The following SUPT6H variants were observed in gnomAD, a reference collection of about 807,000 sequenced individuals.
SUPT6H encodes the protein SPT6 homolog, histone chaperone and transcription elongation factor, also known as transcription elongation factor SPT6.
In SUPT6H, 11 loss-of-function variants were observed where a neutral mutation model predicts 222.3. The ratio of observed to expected loss-of-function variants is 0.05; its 90% CI spans 0.03 to 0.08. The LOEUF (loss-of-function observed/expected upper bound fraction) is 0.08, where lower values mean the gene tolerates loss of function less well. SUPT6H is among the 10% of genes least tolerant of loss of function. SUPT6H has a pLI of 1.00. For missense variants in SUPT6H, 1,422 were observed against 2,216.0 expected (o/e 0.64, Z 7.19); for synonymous variants, 762 against 801.2 (o/e 0.95, Z 0.83).
At chr17:28,685,595 T>C (rs1352030275) in intron 19 of SUPT6H, among the ~76,000 whole-genome samples, 1 of 151,952 alleles carries the variant, frequency 6.6e-6, no homozygotes, top group Non-Finnish European at 1.5e-5. Flanking sequence ...GCTCAAGTGA[T>C]CCTCCTGCCT....
intron 19 of SUPT6H, 122 bp downstream of exon 19, chr17:28,685,083 C>A: frequency 1.1e-6 from 1 of 937,322 alleles, no homozygotes; most frequent in Non-Finnish European, 1.6e-6. Flanking sequence ...GATCTGGTCA[C>A]TGACTTGTCC....
In SUPT6H at chr17:28,678,206, C is replaced by G; in HGVS notation, c.1116+14C>G. ...CAGCATTTTGAGGTAACACCTCAAG[C>G]TCTGGTGGCCCATTGGTGAGAAATT... On this transcript the variant is annotated intron_variant, in intron 9 of 36. Coordinates refer to ENST00000314616, the MANE Select transcript of SUPT6H (RefSeq NM_003170.5). The G allele has an allele frequency of 6.3e-7, 1 of 1,588,856 alleles. No homozygotes were observed. Among genetic ancestry groups the G allele is most frequent in the Non-Finnish European group, 8.6e-7 (1 of 1,161,386 alleles).
At chr17:28,674,799 G>C in intron 4 of SUPT6H, 171 bp from the exon 5 acceptor site, 3 of 982,682 alleles carry the variant, frequency 3.1e-6, no homozygotes, top group Non-Finnish European at 4.5e-6. Flanking sequence ...AGAAAGTCTT[G>C]TCCAAGTTTC....
chr17:28,667,497 A>G (rs1261622646), intron 1 of SUPT6H, among the ~76,000 whole-genome samples: 4 of 136,118 alleles, frequency 2.9e-5, no homozygotes, highest in South Asian at 2.4e-4. Context: ...ATATATGTAT[A>G]TGTGTATATA....
At chr17:28,700,145 G>C (rs1203567334) in intron 33 of SUPT6H, 28 bp from the exon 34 acceptor site, 2 of 1,613,946 alleles carry the variant, frequency 1.2e-6, no homozygotes, top group East Asian at 2.2e-5. Context: ...TTTCTGGAGG[G>C]ATGTAACTAA....
chr17:28,700,772 G>C (rs2032098590), intron 35 of SUPT6H, 169 bp from the exon 36 acceptor site: 3 of 958,592 alleles, frequency 3.1e-6, no homozygotes, highest in East Asian at 2.4e-5. Flanking sequence ...GGGCACCACT[G>C]TGTGCTCGGT....
chr17:28,669,314 C>A (rs966654418), intron 1 of SUPT6H, among the ~76,000 whole-genome samples: 3 of 152,096 alleles, frequency 2.0e-5, no homozygotes, highest in African/African-American at 7.2e-5. Flanking sequence ...GCTTCAGCCT[C>A]CTGAATAGCT....
At chr17:28,678,701 C>T (rs979251615) in intron 10 of SUPT6H, 67 bp downstream of exon 10, 7 of 1,610,584 alleles carry the variant, frequency 4.3e-6, no homozygotes, top group Non-Finnish European at 5.9e-6. Context: ...CAGGATACCA[C>T]AAACCCAAAC....
At chr17:28,676,600 T>A (rs911761730) in intron 7 of SUPT6H, among the ~76,000 whole-genome samples, 170 bp downstream of exon 7, 2 of 152,194 alleles carry the variant, frequency 1.3e-5, no homozygotes, top group Non-Finnish European at 2.9e-5. Context: ...CTACCTTGCT[T>A]ACGGTTCTAG....
At chr17:28,676,020 C>T (rs1202278303) in intron 6 of SUPT6H, 137 bp from the exon 7 acceptor site, 4 of 1,003,978 alleles carry the variant, frequency 4.0e-6, no homozygotes, top group Non-Finnish European at 5.6e-6. Flanking sequence ...CTTTCGTCCA[C>T]AGTGAATATG....
At chr17:28,664,549 C>A (rs992077374) in intron 1 of SUPT6H, among the ~76,000 whole-genome samples, 3 of 152,130 alleles carry the variant, frequency 2.0e-5, no homozygotes, top group African/African-American at 7.2e-5. Context: ...CACAGGAATC[C>A]CGAGCCTTCT....
At chr17:28,676,100 T>C (rs1041003179) in intron 6 of SUPT6H, 57 bp from the exon 7 acceptor site, 4 of 1,527,124 alleles carry the variant, frequency 2.6e-6, no homozygotes, top group Admixed American at 4.4e-5. Context: ...ATGCAAGGGC[T>C]GCATTTCTCT....
chr17:28,688,415 G>C lies in SUPT6H; in HGVS notation c.3134+197G>C. 2.0e-6 allele frequency: 1 copy of C among 492,084 alleles called. No individual in the cohort carries two copies. The highest frequency in any genetic ancestry group is 3.2e-6 in the Non-Finnish European group (1 of 311,536). 30.5% of individuals were successfully genotyped at this position (492,084 alleles called of 1,614,324 possible). On this transcript the variant is annotated intron_variant, in intron 24 of 36. Transcript: ENST00000314616. This position sits in a 1 kb window ranked among gnomAD's most constrained non-coding sequence, Gnocchi z 4.3. Reference sequence around the variant, plus strand: ...GGTTCAATCATGTGAAACATTTTTCGTGTGAGAGAAACATAAAAAGTACCA... The same window carrying C: ...GGTTCAATCATGTGAAACATTTTTCCTGTGAGAGAAACATAAAAAGTACCA...
chr17:28,669,721 G>GGTCA (rs2030302556), intron 1 of SUPT6H, among the ~76,000 whole-genome samples: 1 of 152,108 alleles, frequency 6.6e-6, no homozygotes, highest in Non-Finnish European at 1.5e-5. Flanking sequence ...GATCACTTGA[G>GGTCA]GTCAGGAGTT....
intron 24 of SUPT6H, 200 bp from the exon 25 acceptor site, chr17:28,689,154 A>G: frequency 1.8e-6 from 1 of 569,880 alleles, no homozygotes; most frequent in Non-Finnish European, 3.1e-6. Flanking sequence ...TTTGCAGTGC[A>G]TTTTTCACGT....
At chr17:28,694,099 T>C (rs1377552288) in intron 28 of SUPT6H, among the ~76,000 whole-genome samples, 2 of 152,240 alleles carry the variant, frequency 1.3e-5, no homozygotes, top group African/African-American at 4.8e-5. Flanking sequence ...TGTGGGAAGC[T>C]GCAGTTCAGT....
intron 35 of SUPT6H, 174 bp from the exon 36 acceptor site, chr17:28,700,767 C>T (rs1468220807): frequency 1.1e-6 from 1 of 949,518 alleles, no homozygotes; most frequent in East Asian, 2.4e-5. Context: ...CCAGTGGGCA[C>T]CACTGTGTGC....
At chr17:28,675,292 A>C in intron 5 of SUPT6H, 109 bp from the exon 6 acceptor site, 1 of 1,486,434 alleles carries the variant, frequency 6.7e-7, no homozygotes, top group Non-Finnish European at 9.2e-7. Flanking sequence ...CCTTTTCAGG[A>C]GCTTCCCTTC....
chr17:28,693,766 G>A lies in SUPT6H; in HGVS notation c.3704G>A (p.Gly1235Asp), dbSNP rs986357714. ...GGTGTCAAAACACGGCTAGACAATG[G>A]TGTCACCGGCTTCATCCCCACCAAA... The part of the protein sequence containing the change: ...AIGVKTRLDN[G>D]VTGFIPTKFL... The change falls in exon 28 of 37, where the codon GGT (glycine) becomes GAT (aspartate). Residue 1235 changes from glycine (G) to aspartate (D), a missense_variant. Physicochemically the swap from Gly to Asp is moderately conservative, Grantham distance 94. Coordinates refer to ENST00000314616, the MANE Select transcript of SUPT6H (RefSeq NM_003170.5). 6.2e-7 allele frequency: 1 copy of A among 1,614,104 alleles called. No individual in the cohort carries two copies. The highest frequency in any genetic ancestry group is 1.3e-5 in the African/African-American group (1 of 74,940).
Sources: allele counts gnomAD v4.1 joint callset (sites outside exome capture counted in the v4.1 genomes callset), GRCh38; gene constraint gnomAD v4.1.1; non-coding constraint Gnocchi (gnomAD v3.1); transcripts MANE v1.5; gene names NCBI Gene and HGNC (gene_info 2026-07-23, HGNC 2026-07-21).